EPHA6: variants seen among roughly 807,000 people sequenced by gnomAD.
The protein encoded by EPHA6 is EPH receptor A6.
EPHA6 carries 50 observed loss-of-function variants against 112.0 expected under a neutral mutation model. The ratio of observed to expected loss-of-function variants is 0.45; its 90% CI spans 0.36 to 0.56. The LOEUF is 0.56. Ranked by LOEUF, EPHA6 falls within the 20% of genes least tolerant of loss-of-function variation. The pLI, the probability that EPHA6 is intolerant of heterozygous loss-of-function variation, is 0.00. For missense variants in EPHA6, 1,280 were observed against 1,417.4 expected, an observed-to-expected ratio of 0.90 and a Z score of 1.56; for synonymous variants, 529 against 490.7, an observed-to-expected ratio of 1.08 and a Z score of -1.03.
At chr3:97,302,482 T>A (rs1169279299) in intron 5 of EPHA6, among the ~76,000 whole-genome samples, 1 of 151,210 alleles carries the variant, frequency 6.6e-6, no homozygotes, top group Non-Finnish European at 1.5e-5. Context: ...CAGGTGTTTT[T>A]TTTTTTTAAT....
At chr3:97,377,527 G>A (rs2085443170) in intron 5 of EPHA6, among the ~76,000 whole-genome samples, 1 of 152,160 alleles carries the variant, frequency 6.6e-6, no homozygotes, top group African/African-American at 2.4e-5. Context: ...TTGGTAACAA[G>A]CAGAGGTTGG....
intron 11 of EPHA6, among the ~76,000 whole-genome samples, chr3:97,579,503 G>T (rs2107275130): frequency 6.6e-6 from 1 of 152,266 alleles, no homozygotes; most frequent in Non-Finnish European, 1.5e-5. Context: ...CACACTAAAT[G>T]TGCCTCGCAT....
intron 3 of EPHA6, among the ~76,000 whole-genome samples, chr3:97,179,717 GTCTC>G (rs71113852): frequency 0.075 from 8,955 of 118,998 alleles, 391 homozygotes; most frequent in East Asian, 0.13. Flanking sequence ...AACCTACAGA[GTCTC>G]TCTCTCTCTC....
chr3:97,311,425 T>C (rs778604557), intron 5 of EPHA6, among the ~76,000 whole-genome samples: 1 of 147,564 alleles, frequency 6.8e-6, no homozygotes, highest in Non-Finnish European at 1.5e-5. Flanking sequence ...AACCAAATCA[T>C]CATTTGGATT....
At chr3:97,401,980 T>C (rs2087019550) in intron 5 of EPHA6, among the ~76,000 whole-genome samples, 1 of 152,030 alleles carries the variant, frequency 6.6e-6, no homozygotes, top group Non-Finnish European at 1.5e-5. Flanking sequence ...AGGTTCATCT[T>C]ACTGATTTCT....
intron 2 of EPHA6, among the ~76,000 whole-genome samples, chr3:96,946,419 G>A (rs1473891328): frequency 6.6e-6 from 1 of 151,088 alleles, no homozygotes; most frequent in Non-Finnish European, 1.5e-5. Flanking sequence ...GTGAGAACAT[G>A]CGGTGTTTCG....
chr3:96,840,726 C>CGGTGTCTTG (rs1362046948), intron 1 of EPHA6, among the ~76,000 whole-genome samples: 4 of 151,968 alleles, frequency 2.6e-5, no homozygotes, highest in Non-Finnish European at 4.4e-5. Flanking sequence ...GATTACCGGC[C>CGGTGTCTTG]GGTGTCTTGA....
chr3:97,119,950 T>G (rs2047996564), intron 3 of EPHA6, among the ~76,000 whole-genome samples: 2 of 151,984 alleles, frequency 1.3e-5, no homozygotes, highest in African/African-American at 4.8e-5. Flanking sequence ...TGAGACTCAT[T>G]TGCTGAATTC....
At chr3:97,023,419 A>C (rs1409977119) in intron 3 of EPHA6, among the ~76,000 whole-genome samples, 1 of 152,022 alleles carries the variant, frequency 6.6e-6, no homozygotes, top group Non-Finnish European at 1.5e-5. Context: ...ATTTGAAATT[A>C]TTTCTCATGA....
chr3:97,759,077 T>C lies in EPHA6; in HGVS notation c.*10376T>C, dbSNP rs2036094728. ...CACTATATGCTATTCCAATGTTTAATAGGCAGATAATTAGAATTAAACAGA... is the reference window on the plus strand; with the variant it reads ...CACTATATGCTATTCCAATGTTTAACAGGCAGATAATTAGAATTAAACAGA... On this transcript the variant is annotated 3_prime_UTR_variant, in exon 18 of 18. Coordinates refer to ENST00000389672, the MANE Select transcript of EPHA6 (RefSeq NM_001080448.3). Among the ~76,000 whole-genome samples the C allele has an allele frequency of 6.6e-6, 1 of 152,008 alleles. No individual in the cohort carries two copies. The highest frequency in any genetic ancestry group is 2.1e-4 in the South Asian group (1 of 4,830).
chr3:97,135,334 G>T (rs1053807401), intron 3 of EPHA6, among the ~76,000 whole-genome samples: 3 of 152,074 alleles, frequency 2.0e-5, no homozygotes, highest in Non-Finnish European at 4.4e-5. Flanking sequence ...TAATTCTAGA[G>T]CCCAAACCTT....
chr3:96,939,486 C>A (rs1411711865), intron 2 of EPHA6, among the ~76,000 whole-genome samples: 1 of 151,436 alleles, frequency 6.6e-6, no homozygotes, highest in African/African-American at 2.4e-5. Flanking sequence ...TCTATTGATT[C>A]TTCTCTCTTT....
intron 3 of EPHA6, among the ~76,000 whole-genome samples, chr3:97,092,635 A>G (rs761659195): frequency 6.6e-5 from 10 of 152,032 alleles, no homozygotes; most frequent in Admixed American, 6.6e-4. Context: ...GGGTATAAAA[A>G]AACTGGCTAC....
chr3:97,497,123 C>T (rs188929911), intron 10 of EPHA6, among the ~76,000 whole-genome samples: 28 of 152,268 alleles, frequency 1.8e-4, no homozygotes, highest in Non-Finnish European at 2.8e-4. Flanking sequence ...GGAAAGATCC[C>T]TTGGAAATGT....
At chr3:97,045,502 A>AAGAAAGAAAATTGTTCTTTCTTTCAAT (rs1419591693) in intron 3 of EPHA6, among the ~76,000 whole-genome samples, 1 of 151,936 alleles carries the variant, frequency 6.6e-6, no homozygotes, top group Admixed American at 6.6e-5. Context: ...CTTCCTGGGA[A>AAGAAAGAAAATTGTTCTTTCTTTCAAT]AGAAAGAAAA....
At chr3:97,152,902 A>T (rs2076202780) in intron 3 of EPHA6, among the ~76,000 whole-genome samples, 2 of 152,132 alleles carry the variant, frequency 1.3e-5, no homozygotes. Context: ...CTCTTCTATT[A>T]AAACATTATC....
intron 13 of EPHA6, among the ~76,000 whole-genome samples, chr3:97,617,617 A>T (rs1269384098): frequency 6.6e-6 from 1 of 152,078 alleles, no homozygotes; most frequent in East Asian, 1.9e-4. Context: ...AACAGAAAAA[A>T]CCAGGGTTGC....
intron 2 of EPHA6, among the ~76,000 whole-genome samples, chr3:96,986,180 G>A (rs2043015147): frequency 6.6e-6 from 1 of 152,114 alleles, no homozygotes; most frequent in Admixed American, 6.6e-5. Context: ...AATATTAAAT[G>A]AATAAATATT....
At position 97,752,485 on chromosome 3, in the gene EPHA6, A is replaced by G. The variant is rs1211368347; in HGVS notation, c.*3784A>G. The G allele has an allele frequency of 2.3e-5, 5 of 219,960 alleles. No individual in the cohort carries two copies. Among genetic ancestry groups the G allele is most frequent in the East Asian group, 2.0e-4 (3 of 15,078 alleles). The allele number at this position is 219,960 out of a possible 1,614,324, so 13.6% of individuals were successfully genotyped here. On this transcript the variant is annotated 3_prime_UTR_variant, in exon 18 of 18. Coordinates refer to ENST00000389672, the MANE Select transcript of EPHA6 (RefSeq NM_001080448.3). ...TCTCAGCCCTGTTTTTAATTCCCCC[A>G]TCCTCTCTCTTTATTCCTTTCTCAG... is the stretch of plus-strand genomic sequence containing the variant.
Sources: allele counts gnomAD v4.1 joint callset (sites outside exome capture counted in the v4.1 genomes callset), GRCh38; gene constraint gnomAD v4.1.1; transcripts MANE v1.5; gene names NCBI Gene and HGNC (gene_info 2026-07-23, HGNC 2026-07-21).